Variants in IDO2 observed in about 807,000 individuals in gnomAD.
IDO2 encodes indoleamine 2,3-dioxygenase 2.
IDO2 carries 46 observed loss-of-function variants against 45.1 expected under a neutral mutation model. The ratio of observed to expected loss-of-function variants is 1.02; its 90% confidence interval spans 0.80 to 1.30. The LOEUF (loss-of-function observed/expected upper bound fraction) is 1.30. Ranked by LOEUF, IDO2 falls within the 50% of genes most tolerant of loss-of-function variation. The pLI is 0.00. For synonymous variants in IDO2, 218 were observed against 184.9 expected (o/e 1.18, Z -1.45); for missense variants, 544 against 491.8 (o/e 1.11, Z -1.00).
intron 2 of IDO2, among the ~76,000 whole-genome samples, chr8:39,956,732 A>G: frequency 6.6e-6 from 1 of 151,206 alleles, no homozygotes; most frequent in Non-Finnish European, 1.5e-5. Flanking sequence ...AACTTTAACT[A>G]CACTTTTTAA....
intron 3 of IDO2, among the ~76,000 whole-genome samples, chr8:39,976,937 G>A (rs2129594292): frequency 6.6e-6 from 1 of 152,180 alleles, no homozygotes; most frequent in South Asian, 2.1e-4. Flanking sequence ...TTACAATTCA[G>A]AACAAATTGA....
chr8:40,004,393 T>C (rs1481658555), intron 8 of IDO2, among the ~76,000 whole-genome samples: 1 of 152,090 alleles, frequency 6.6e-6, no homozygotes, highest in Non-Finnish European at 1.5e-5. Context: ...ATAAAAGATG[T>C]AGATAAATAG....
At chr8:39,943,416 C>T (rs934682811) in intron 1 of IDO2, among the ~76,000 whole-genome samples, 1 of 151,164 alleles carries the variant, frequency 6.6e-6, no homozygotes, top group African/African-American at 2.4e-5. Flanking sequence ...AAAGAATGTT[C>T]CTCAATACCA....
intron 1 of IDO2, among the ~76,000 whole-genome samples, chr8:39,939,208 A>G (rs556995309): frequency 2.8e-5 from 4 of 141,432 alleles, no homozygotes; most frequent in South Asian, 2.2e-4. Flanking sequence ...GCGCCACTGC[A>G]CTCTAGCCTG....
intron 3 of IDO2, 142 bp from the exon 4 acceptor site, chr8:39,978,925 C>G: frequency 1.4e-6 from 1 of 719,808 alleles, no homozygotes; most frequent in Non-Finnish European, 2.3e-6. Flanking sequence ...GGTGTGTGTG[C>G]GGGCTCTTTG....
At chr8:39,983,329 G>T (rs185749225) in intron 5 of IDO2, among the ~76,000 whole-genome samples, 27 of 152,296 alleles carry the variant, frequency 1.8e-4, no homozygotes, top group African/African-American at 5.5e-4. Flanking sequence ...TCAACAAACA[G>T]AATTAGACAG....
chr8:39,947,866 C>T (rs1450225196), intron 1 of IDO2, among the ~76,000 whole-genome samples: 1 of 151,500 alleles, frequency 6.6e-6, no homozygotes, highest in Admixed American at 6.6e-5. Context: ...CGGCTCACTG[C>T]AACCTCCACC....
chr8:39,936,393 G>T (rs1226138322), intron 1 of IDO2, among the ~76,000 whole-genome samples: 2 of 152,206 alleles, frequency 1.3e-5, no homozygotes, highest in African/African-American at 4.8e-5. Context: ...GCTTAAACAT[G>T]TGTTCCACTG....
At position 39,975,063 on chromosome 8, in the gene IDO2, C is replaced by T. The variant is rs113897777; in HGVS notation, c.196-4004C>T. 3.0e-3 allele frequency among the ~76,000 whole-genome samples: 454 copies of T among 151,876 alleles called. 4 individuals are homozygous for T. The highest frequency in any genetic ancestry group is 9.4e-3 in the African/African-American group (389 of 41,406). The stretch of plus-strand genomic sequence containing the variant: ...GGCAGAGGTTGCAGTGAGCCGAGAT[C>T]GTGCCATCATGCCACTGTACTCCAG... On this transcript the variant is annotated intron_variant, in intron 3 of 10. Coordinates refer to ENST00000502986, the Ensembl canonical transcript of IDO2.
At chr8:40,016,096 G>C (rs1802384313) in exon 11 of IDO2, 4 of 392,252 alleles carry the variant, frequency 1.0e-5, no homozygotes, top group Non-Finnish European at 1.8e-5. Context: ...CAGGAGGTTG[G>C]AAATGCTCCA....
chr8:39,985,579 A>G, intron 6 of IDO2, 57 bp downstream of exon 6: 1 of 1,395,040 alleles, frequency 7.2e-7, no homozygotes, highest in South Asian at 1.3e-5. Flanking sequence ...TTAAAATCTT[A>G]CAATAAAACA....
At position 39,967,762 on chromosome 8, in the gene IDO2, AC is replaced by A. The variant is rs553078644; in HGVS notation, c.195+4060del. Among the ~76,000 whole-genome samples the A allele has an allele frequency of 1.9e-3, 288 of 152,356 alleles. 4 individuals are homozygous for A. The highest frequency in any genetic ancestry group is 6.6e-3 in the African/African-American group (276 of 41,590). ...CTTGGCCTCCCAAAGTGCTGGGATT[AC>A]AGGCGTGAGCCACCGTGCTGGCCTA... is the stretch of plus-strand genomic sequence containing the variant. On this transcript the variant is annotated intron_variant, in intron 3 of 10. Coordinates refer to ENST00000502986, the Ensembl canonical transcript of IDO2.
At chr8:39,948,084 C>T (rs946709462) in intron 1 of IDO2, among the ~76,000 whole-genome samples, 1 of 152,184 alleles carries the variant, frequency 6.6e-6, no homozygotes, top group African/African-American at 2.4e-5. Flanking sequence ...GCCACTGCGC[C>T]CAGCCTCGAG....
chr8:40,007,959 G>T (rs1329221629), intron 9 of IDO2, among the ~76,000 whole-genome samples: 1 of 151,390 alleles, frequency 6.6e-6, no homozygotes, highest in East Asian at 1.9e-4. Context: ...TTCCTTGTTG[G>T]CTGTCAGACA....
chr8:40,010,674 A>G (rs1802297022), intron 9 of IDO2, among the ~76,000 whole-genome samples: 1 of 152,198 alleles, frequency 6.6e-6, no homozygotes, highest in African/African-American at 2.4e-5. Flanking sequence ...ATATGAGTCA[A>G]AGATAATTTG....
At chr8:39,988,885 C>T (rs1418574043) in intron 7 of IDO2, among the ~76,000 whole-genome samples, 2 of 152,166 alleles carry the variant, frequency 1.3e-5, no homozygotes, top group Admixed American at 6.6e-5. Context: ...AGTCAAATAT[C>T]GGCCTTCCAA....
rs575456939 is a variant in IDO2, at chr8:39,987,777, C to T, written c.450-94C>T. On this transcript the variant is annotated intron_variant, in intron 6 of 10. Coordinates refer to ENST00000502986, the Ensembl canonical transcript of IDO2. ...GGAGAAAGTTGTGCAGTGATTCCACCCTGCAGTTATCTAACTCGGCAGGGA... is the reference window on the plus strand; with the variant it reads ...GGAGAAAGTTGTGCAGTGATTCCACTCTGCAGTTATCTAACTCGGCAGGGA... The T allele has an allele frequency of 5.6e-6, 4 of 709,856 alleles. No individual in the cohort carries two copies. In the East Asian group the frequency reaches 1.1e-4, roughly 19 times the overall value. The allele number at this position is 709,856 out of a possible 1,614,324, so 44.0% of individuals were successfully genotyped here.
At chr8:39,968,804 C>T (rs1808136294) in intron 3 of IDO2, among the ~76,000 whole-genome samples, 2 of 151,780 alleles carry the variant, frequency 1.3e-5, no homozygotes, top group Non-Finnish European at 2.9e-5. Context: ...GCGCAGCAAA[C>T]CACCATGGCA....
exon 1 of IDO2, chr8:39,934,769 G>C: frequency 3.5e-6 from 1 of 282,570 alleles, no homozygotes; most frequent in Non-Finnish European, 6.8e-6. Flanking sequence ...TGAGGTGGTT[G>C]TACTTTTGCC....
Sources: gnomAD v4.1 joint callset for allele counts (sites outside exome capture counted in the v4.1 genomes callset) on GRCh38, gnomAD v4.1.1 for gene constraint, MANE v1.5 for transcripts, NCBI Gene and HGNC (gene_info 2026-07-23, HGNC 2026-07-21) for gene names.